Variants in MYO3B observed in about 807,000 individuals in gnomAD.
MYO3B encodes the protein myosin IIIB.
MYO3B carries 156 observed loss-of-function variants against 174.6 expected under a neutral mutation model. That is an observed-to-expected ratio of 0.89 (90% confidence interval 0.78 to 1.02). The LOEUF (loss-of-function observed/expected upper bound fraction) is 1.02. Among genes scored for constraint, MYO3B ranks in the 50% least tolerant of loss-of-function variants. The pLI is 0.00. For missense variants in MYO3B, 1,632 were observed against 1,639.4 expected, an observed-to-expected ratio of 1.00 and a Z score of 0.08; for synonymous variants, 563 against 569.1, an observed-to-expected ratio of 0.99 and a Z score of 0.15.
intron 30 of MYO3B, among the ~76,000 whole-genome samples, chr2:170,525,559 G>A (rs770839467): frequency 3.3e-5 from 5 of 152,112 alleles, no homozygotes; most frequent in East Asian, 1.9e-4. Flanking sequence ...TTCACAAGAC[G>A]GCTTGTAACA....
intron 22 of MYO3B, among the ~76,000 whole-genome samples, chr2:170,416,623 C>CTTTT (rs80194434): frequency 7.1e-6 from 1 of 139,876 alleles, no homozygotes; most frequent in Non-Finnish European, 1.6e-5. Context: ...ATCCAAACTC[C>CTTTT]TTTTTTTTTT....
intron 8 of MYO3B, among the ~76,000 whole-genome samples, chr2:170,357,002 C>G (rs991708070): frequency 6.6e-6 from 1 of 152,132 alleles, no homozygotes; most frequent in Admixed American, 6.5e-5. Context: ...AGGCTTGTCT[C>G]TAACTCCTGG....
intron 25 of MYO3B, among the ~76,000 whole-genome samples, chr2:170,491,041 T>C (rs1470029883): frequency 1.3e-5 from 2 of 152,178 alleles, no homozygotes; most frequent in Non-Finnish European, 2.9e-5. Context: ...TGCTTTCCTA[T>C]TTTCTATTTC....
At chr2:170,548,179 C>G (rs938964199) in intron 32 of MYO3B, among the ~76,000 whole-genome samples, 1 of 147,584 alleles carries the variant, frequency 6.8e-6, no homozygotes, top group African/African-American at 2.5e-5. Flanking sequence ...TGAGCCAGTT[C>G]ACCATGTAAA....
At chr2:170,555,982 G>C (rs1345234594) in intron 32 of MYO3B, among the ~76,000 whole-genome samples, 1 of 152,118 alleles carries the variant, frequency 6.6e-6, no homozygotes, top group African/African-American at 2.4e-5. Flanking sequence ...GATCACTTGA[G>C]GTCAGGAGTT....
intron 28 of MYO3B, among the ~76,000 whole-genome samples, chr2:170,505,545 C>T (rs1404710022): frequency 6.6e-6 from 1 of 152,106 alleles, no homozygotes; most frequent in Admixed American, 6.5e-5. Flanking sequence ...AGAAATTGGA[C>T]CTAACTACAT....
At chr2:170,420,390 C>T (rs1206137534) in intron 22 of MYO3B, among the ~76,000 whole-genome samples, 1 of 152,050 alleles carries the variant, frequency 6.6e-6, no homozygotes, top group South Asian at 2.1e-4. Context: ...TTCTGGATTA[C>T]CCACAGAGAA....
intron 32 of MYO3B, among the ~76,000 whole-genome samples, chr2:170,636,122 T>G (rs920858886): frequency 6.9e-4 from 105 of 152,318 alleles, no homozygotes; most frequent in Non-Finnish European, 1.0e-4. Context: ...TCTGACATAT[T>G]CCAGTTACCT....
intron 28 of MYO3B, among the ~76,000 whole-genome samples, chr2:170,504,173 A>G (rs1307411818): frequency 6.6e-6 from 1 of 152,178 alleles, no homozygotes; most frequent in Non-Finnish European, 1.5e-5. Flanking sequence ...TGGCTTAGGG[A>G]TGTTGTCACA....
At chr2:170,343,836 C>T (rs1230663340) in intron 8 of MYO3B, 1 of 152,196 alleles carries the variant, frequency 6.6e-6, no homozygotes, top group African/African-American at 2.4e-5. Context: ...CCTCAATTTC[C>T]TCATCTGCAA....
chr2:170,507,294 G>T (rs1687674031), intron 28 of MYO3B, among the ~76,000 whole-genome samples: 1 of 152,108 alleles, frequency 6.6e-6, no homozygotes, highest in Non-Finnish European at 1.5e-5. Context: ...CACAAGACAG[G>T]ATGCCCTTCA....
At chr2:170,561,123 A>C (rs991533894) in intron 32 of MYO3B, among the ~76,000 whole-genome samples, 15 of 152,286 alleles carry the variant, frequency 9.8e-5, no homozygotes, top group African/African-American at 2.9e-4. Context: ...TATTCAGTCC[A>C]TTAATGGAAC....
At chr2:170,428,838 G>T (rs1391213485) in intron 22 of MYO3B, among the ~76,000 whole-genome samples, 1 of 152,136 alleles carries the variant, frequency 6.6e-6, no homozygotes, top group African/African-American at 2.4e-5. Flanking sequence ...CTCCTCATTT[G>T]ACATATAATA....
At chr2:170,203,958 G>A (rs996911054) in intron 3 of MYO3B, among the ~76,000 whole-genome samples, 4 of 152,176 alleles carry the variant, frequency 2.6e-5, no homozygotes, top group African/African-American at 9.7e-5. Flanking sequence ...GCTGAGGACT[G>A]GGAGTGATTC....
intron 30 of MYO3B, among the ~76,000 whole-genome samples, chr2:170,521,913 CTAGAGCTT>C (rs1688692091): frequency 6.6e-6 from 1 of 152,158 alleles, no homozygotes; most frequent in South Asian, 2.1e-4. Flanking sequence ...CTCCCAGTTG[CTAGAGCTT>C]TATGTTCATC....
At chr2:170,288,510 G>A (rs997515583) in intron 7 of MYO3B, among the ~76,000 whole-genome samples, 25 of 151,780 alleles carry the variant, frequency 1.6e-4, no homozygotes, top group African/African-American at 5.5e-4. Flanking sequence ...TTGCTTTCTT[G>A]ATTTTTTTGT....
chr2:170,300,977 C>T (rs941302189), intron 7 of MYO3B, among the ~76,000 whole-genome samples: 2 of 152,140 alleles, frequency 1.3e-5, no homozygotes, highest in Non-Finnish European at 2.9e-5. Context: ...GTTGATGAAC[C>T]ATGGTGGGTG....
At position 170,218,056 on chromosome 2, in the gene MYO3B, T is replaced by TAA. The variant is rs1208962496; in HGVS notation, c.603+663_603+664dup. Among the ~76,000 whole-genome samples, 4 of 152,338 alleles carry TAA rather than the reference T, an allele frequency of 2.6e-5. 1 individual carries two copies. The East Asian group carries it at 7.7e-4, about 29-fold the overall frequency. The stretch of plus-strand genomic sequence containing the variant: ...TTTGCCTGAGAGCAGCTTTCTGGAT[T>TAA]AAACAAATGGGTTCTTTTAATAAAA... On this transcript the variant is annotated intron_variant, in intron 6 of 34. Coordinates refer to ENST00000408978, the MANE Select transcript of MYO3B (RefSeq NM_138995.5).
At chr2:170,400,656 CCT>C (rs1491216066) in intron 17 of MYO3B, among the ~76,000 whole-genome samples, 6 of 134,540 alleles carry the variant, frequency 4.5e-5, no homozygotes, top group Non-Finnish European at 8.7e-5. Flanking sequence ...ACCCCCCCCC[CCT>C]CGGCCTCCCA....
Sources: gnomAD v4.1 joint callset for allele counts (sites outside exome capture counted in the v4.1 genomes callset) on GRCh38, gnomAD v4.1.1 for gene constraint, MANE v1.5 for transcripts, NCBI Gene and HGNC (gene_info 2026-07-23, HGNC 2026-07-21) for gene names.